Variants in YPEL1 observed in about 807,000 individuals in gnomAD.
The protein encoded by YPEL1 is yippee like 1, also known as protein yippee-like 1.
A neutral mutation model predicts 17.3 loss-of-function variants in YPEL1; 7 were observed. The observed-to-expected ratio is 0.40, with a 90% confidence interval of 0.23 to 0.76. YPEL1 has a LOEUF of 0.76. Among genes scored for constraint, YPEL1 ranks in the 30% least tolerant of loss-of-function variants. The pLI is 0.35. For missense variants in YPEL1, 91 were observed against 155.5 expected (o/e 0.59, Z 2.21); for synonymous variants, 59 against 59.6 (o/e 0.99, Z 0.05).
In YPEL1 at chr22:21,700,965, G is replaced by A; in HGVS notation, c.*164C>T. 3.5e-6 allele frequency: 2 copies of A among 578,594 alleles called. No homozygotes were observed. Among genetic ancestry groups the A allele is most frequent in the Non-Finnish European group, 6.2e-6 (2 of 323,782 alleles). The allele number at this position is 578,594 out of a possible 1,614,324, so 35.8% of individuals were successfully genotyped here. A position where few individuals can be genotyped will look rare whatever the true frequency, so the allele number is the denominator to read the frequency against. ...TGTACACGAAGAGGACAGATCCGAG[G>A]GACACCTTACCCACAGAGATGGCCG... On this transcript the variant is annotated 3_prime_UTR_variant, in exon 5 of 5. Coordinates refer to ENST00000339468, the MANE Select transcript of YPEL1 (RefSeq NM_013313.5).
chr22:21,716,855 A>T (rs5754798), intron 1 of YPEL1, among the ~76,000 whole-genome samples: 1 of 129,816 alleles, frequency 7.7e-6, no homozygotes, highest in East Asian at 2.2e-4. Flanking sequence ...GAGGCAGACC[A>T]TGAGGCTCCT....
chr22:21,702,941 G>A (rs894783148), intron 4 of YPEL1, among the ~76,000 whole-genome samples: 10 of 152,170 alleles, frequency 6.6e-5, no homozygotes, highest in Non-Finnish European at 1.0e-4. Flanking sequence ...GGGGTAAAGA[G>A]CTCATGGGGC....
intron 1 of YPEL1, among the ~76,000 whole-genome samples, chr22:21,719,706 G>A (rs183106654): frequency 2.0e-5 from 3 of 152,024 alleles, no homozygotes; most frequent in African/African-American, 7.2e-5. Flanking sequence ...ACAACATGGC[G>A]AAACCCCGTC....
chr22:21,714,813 T>C (rs759525239), intron 1 of YPEL1, among the ~76,000 whole-genome samples: 5 of 95,858 alleles, frequency 5.2e-5, no homozygotes, highest in Non-Finnish European at 1.2e-4. Flanking sequence ...GGCAGCAGCA[T>C]CTCATTGTGG....
At chr22:21,731,693 C>T (rs1368638774) in intron 1 of YPEL1, among the ~76,000 whole-genome samples, 2 of 152,018 alleles carry the variant, frequency 1.3e-5, no homozygotes, top group Non-Finnish European at 2.9e-5. Flanking sequence ...ATGTCATCAC[C>T]CCCAGGACAA....
In YPEL1 at chr22:21,703,755, A is replaced by G. The variant is rs2068088939; in HGVS notation, c.161+84T>C. On this transcript the variant is annotated intron_variant, in intron 3 of 4. Coordinates refer to ENST00000339468, the MANE Select transcript of YPEL1 (RefSeq NM_013313.5). The surrounding 1 kb of genome is among the most constrained non-coding windows in gnomAD (Gnocchi z 6.1). ...TTCAGGACCCCTAAAGACCCAGGTG[A>G]TTCTACACAGGGCACTGTGTAGGTG... is the stretch of plus-strand genomic sequence containing the variant. 6.9e-7 allele frequency: 1 copy of G among 1,453,824 alleles called. No homozygotes were observed. The highest frequency in any genetic ancestry group is 9.4e-7 in the Non-Finnish European group (1 of 1,064,148). The allele number at this position is 1,453,824 out of a possible 1,614,324, so 90.1% of individuals were successfully genotyped here. A position where few individuals can be genotyped will look rare whatever the true frequency, so the allele number is the denominator to read the frequency against.
rs777632162 is a variant in YPEL1, at chr22:21,703,344, C to T, written c.270+26G>A. ...AACTTAGTGCCACATCCCCTTGTGG[C>T]ACGAGCATCCCCTTGTGGCACTCAC... On this transcript the variant is annotated intron_variant, in intron 4 of 4. Coordinates refer to ENST00000339468, the MANE Select transcript of YPEL1 (RefSeq NM_013313.5). The surrounding 1 kb of genome is among the most constrained non-coding windows in gnomAD (Gnocchi z 6.1). The T allele has an allele frequency of 1.2e-6, 2 of 1,603,768 alleles. No homozygotes were observed. The highest frequency in any genetic ancestry group is 1.1e-5 in the South Asian group (1 of 90,900).
In YPEL1 at chr22:21,732,286, C is replaced by T. The variant is rs531336968; in HGVS notation, c.-165+3329G>A. Among the ~76,000 whole-genome samples, 13 of 152,300 alleles carry T rather than the reference C, an allele frequency of 8.5e-5. No homozygotes were observed. The East Asian group carries it at 1.9e-3, about 23-fold the overall frequency. On this transcript the variant is annotated intron_variant, in intron 1 of 4. Coordinates refer to ENST00000339468, the MANE Select transcript of YPEL1 (RefSeq NM_013313.5). ...GCTATTGAGAACTTTCTTCAACCTC[C>T]GCTCAAATCTCTTGTCAAAATTCCC...
At chr22:21,731,851 G>A (rs971284058) in intron 1 of YPEL1, among the ~76,000 whole-genome samples, 1 of 152,214 alleles carries the variant, frequency 6.6e-6, no homozygotes, top group Non-Finnish European at 1.5e-5. Context: ...GGCAGTCAGA[G>A]TCACATGAGA....
intron 1 of YPEL1, among the ~76,000 whole-genome samples, chr22:21,730,385 G>A (rs967213482): frequency 2.6e-5 from 4 of 152,030 alleles, no homozygotes; most frequent in African/African-American, 9.7e-5. Flanking sequence ...CACCATGCCT[G>A]GCTAAGTTTG....
chr22:21,702,528 G>A (rs1033384189), intron 4 of YPEL1, among the ~76,000 whole-genome samples: 3 of 152,278 alleles, frequency 2.0e-5, no homozygotes, highest in Middle Eastern at 3.4e-3. Context: ...CAGGCCGGGC[G>A]CGGTGGCTCA....
chr22:21,703,964 C>T lies in YPEL1; in HGVS notation c.118-82G>A, dbSNP rs1451381289. The stretch of plus-strand genomic sequence containing the variant: ...GCTGCCCAGAACCAGGGGAGTCCAG[C>T]CCCGCGGCTGTTAGCTGCGCCGGGA... On this transcript the variant is annotated intron_variant, in intron 2 of 4. Coordinates refer to ENST00000339468, the MANE Select transcript of YPEL1 (RefSeq NM_013313.5). This position sits in a 1 kb window ranked among gnomAD's most constrained non-coding sequence, Gnocchi z 6.1. 1 of 1,505,078 alleles carries T rather than the reference C, an allele frequency of 6.6e-7. No homozygotes were observed. The highest frequency in any genetic ancestry group is 2.0e-5 in the Admixed American group (1 of 50,930). 93.2% of individuals were successfully genotyped at this position (1,505,078 alleles called of 1,614,324 possible). A position where few individuals can be genotyped will look rare whatever the true frequency, so the allele number is the denominator to read the frequency against.
At chr22:21,710,056 A>G (rs2068150508) in intron 2 of YPEL1, among the ~76,000 whole-genome samples, 1 of 152,106 alleles carries the variant, frequency 6.6e-6, no homozygotes, top group African/African-American at 2.4e-5. Flanking sequence ...TTGATGATCA[A>G]CGCCACACAC....
chr22:21,721,971 T>A (rs1013806982), intron 1 of YPEL1, among the ~76,000 whole-genome samples: 1 of 152,222 alleles, frequency 6.6e-6, no homozygotes. Flanking sequence ...AATCATGCAG[T>A]GTTTGTCCAT....
At chr22:21,720,447 C>T (rs372317168) in intron 1 of YPEL1, among the ~76,000 whole-genome samples, 23 of 152,076 alleles carry the variant, frequency 1.5e-4, no homozygotes, top group East Asian at 1.4e-3. Flanking sequence ...GTGATCTAAC[C>T]GCCCCAGCCT....
chr22:21,734,563 C>T (rs2068418770), intron 1 of YPEL1, among the ~76,000 whole-genome samples: 4 of 152,180 alleles, frequency 2.6e-5, no homozygotes, highest in African/African-American at 7.2e-5. Context: ...GTAGATGAGA[C>T]TCTACCCTGT....
In YPEL1 at chr22:21,718,138, A is replaced by AC. The variant is rs921692746; in HGVS notation, c.-164-7231_-164-7230insG. Among the ~76,000 whole-genome samples, 44 of 150,830 alleles carry AC rather than the reference A, an allele frequency of 2.9e-4. No homozygotes were observed. In the East Asian group the frequency reaches 3.1e-3, roughly 11 times the overall value. On this transcript the variant is annotated intron_variant, in intron 1 of 4. Transcript: ENST00000339468. ...AGTGAGACTCTGTCTCAAAAAAAAA[A>AC]AAAAACAAAAACAAAACAACAACAA...
chr22:21,704,581 CG>C (rs2068098585), intron 2 of YPEL1, among the ~76,000 whole-genome samples: 1 of 150,178 alleles, frequency 6.7e-6, no homozygotes, highest in African/African-American at 2.5e-5. Context: ...CACTTAAACC[CG>C]GGAGGTGGAG....
chr22:21,710,266 G>A (rs879271634), intron 2 of YPEL1, among the ~76,000 whole-genome samples: 26 of 152,128 alleles, frequency 1.7e-4, no homozygotes, highest in Non-Finnish European at 3.8e-4. Context: ...TTTTTAAAAT[G>A]TCTTAATACC....
Sources: allele counts gnomAD v4.1 joint callset (sites outside exome capture counted in the v4.1 genomes callset), GRCh38; gene constraint gnomAD v4.1.1; non-coding constraint Gnocchi (gnomAD v3.1); transcripts MANE v1.5; gene names NCBI Gene and HGNC (gene_info 2026-07-23, HGNC 2026-07-21).